The following TENT5D variants were observed in gnomAD, a reference collection of about 807,000 sequenced individuals.
TENT5D encodes the protein terminal nucleotidyltransferase 5D, also known as cancer/testis antigen 112.
For missense variants in TENT5D, 191 were observed against 287.0 expected (o/e 0.67, Z 2.42); for synonymous variants, 103 against 100.6 (o/e 1.02, Z -0.15).
chrX:80,434,208 A>T, intron 1 of TENT5D, among the ~76,000 whole-genome samples: 1 of 77,552 alleles, frequency 1.3e-5, no homozygotes, highest in East Asian at 9.2e-4. Flanking sequence ...ATCATAAAGT[A>T]AAAAAAAAAA....
At chrX:80,372,450 C>T (rs748699721) in intron 3 of TENT5D, among the ~76,000 whole-genome samples, 2 of 111,834 alleles carry the variant, frequency 1.8e-5, no homozygotes, top group Admixed American at 1.9e-4. Flanking sequence ...TATATAAAAA[C>T]ATTGCAACTT....
At chrX:80,414,510 G>A (rs751105947) in intron 3 of TENT5D, among the ~76,000 whole-genome samples, 1 of 111,775 alleles carries the variant, frequency 8.9e-6, no homozygotes, top group Admixed American at 9.5e-5. Context: ...AGGTGGTCAG[G>A]CGTACAGTTT....
At chrX:80,395,615 A>G (rs907880191) in intron 3 of TENT5D, among the ~76,000 whole-genome samples, 3 of 111,149 alleles carry the variant, frequency 2.7e-5, no homozygotes, top group African/African-American at 9.8e-5. Flanking sequence ...TAAGATAGTG[A>G]TATCTCAATA....
chrX:80,355,569 G>A (rs1930266268), intron 3 of TENT5D, among the ~76,000 whole-genome samples: 1 of 111,640 alleles, frequency 9.0e-6, no homozygotes, highest in Non-Finnish European at 1.9e-5. Flanking sequence ...AATTTTCTCT[G>A]GCAGCTCAAA....
intron 2 of TENT5D, among the ~76,000 whole-genome samples, chrX:80,337,790 TG>T (rs1308622858): frequency 1.8e-5 from 2 of 111,074 alleles, no homozygotes; most frequent in African/African-American, 3.3e-5. Context: ...TTTTTGGAGT[TG>T]GAGTCTCGCT....
intron 3 of TENT5D, among the ~76,000 whole-genome samples, chrX:80,379,488 T>A (rs1930808677): frequency 9.0e-6 from 1 of 111,026 alleles, no homozygotes; most frequent in Admixed American, 9.6e-5. Context: ...GGATTCCCTC[T>A]TTTTCCCTCT....
intron 3 of TENT5D, among the ~76,000 whole-genome samples, chrX:80,386,488 T>C (rs1416394707): frequency 9.0e-6 from 1 of 110,844 alleles, no homozygotes; most frequent in Non-Finnish European, 1.9e-5. Context: ...CACACCAACA[T>C]GGCACATGTA....
chrX:80,374,546 G>A (rs1479854793), intron 3 of TENT5D, among the ~76,000 whole-genome samples: 3 of 110,627 alleles, frequency 2.7e-5, no homozygotes, highest in Non-Finnish European at 5.7e-5. Context: ...TCTGACTGTT[G>A]TGAGATGGTA....
intron 1 of TENT5D, among the ~76,000 whole-genome samples, chrX:80,429,192 G>C (rs1417416547): frequency 9.0e-6 from 1 of 111,648 alleles, no homozygotes; most frequent in Non-Finnish European, 1.9e-5. Context: ...AGCTGGACAG[G>C]GTTGAGGTGG....
At chrX:80,386,216 A>G (rs754927053) in intron 3 of TENT5D, among the ~76,000 whole-genome samples, 1 of 112,532 alleles carries the variant, frequency 8.9e-6, no homozygotes, top group South Asian at 3.7e-4. Context: ...AATGTGGCAC[A>G]TATACACCAT....
chrX:80,430,993 G>C (rs1408762494), intron 1 of TENT5D, among the ~76,000 whole-genome samples: 5 of 111,474 alleles, frequency 4.5e-5, no homozygotes. Flanking sequence ...CTTTAACAGA[G>C]GGAGTGTTTT....
chrX:80,445,132 A>T (rs776589015), exon 3 of TENT5D: 2 of 122,742 alleles, frequency 1.6e-5, no homozygotes, highest in Non-Finnish European at 3.8e-5. Flanking sequence ...GAAGTACACC[A>T]AATACGGCAT....
intron 2 of TENT5D, among the ~76,000 whole-genome samples, chrX:80,336,527 T>C (rs1177842817): frequency 1.8e-5 from 2 of 109,845 alleles, no homozygotes; most frequent in African/African-American, 3.3e-5. Flanking sequence ...ATTTCATCAC[T>C]GTTTGATCAG....
chrX:80,359,262 GC>G (rs1407458904), intron 3 of TENT5D, among the ~76,000 whole-genome samples: 1 of 111,544 alleles, frequency 9.0e-6, no homozygotes, highest in African/African-American at 3.3e-5. Flanking sequence ...GGGATCTAGA[GC>G]CAGAAATACC....
chrX:80,394,301 T>C (rs1931194093), intron 3 of TENT5D, among the ~76,000 whole-genome samples: 1 of 110,435 alleles, frequency 9.1e-6, no homozygotes, highest in African/African-American at 3.3e-5. Context: ...ATTTCCTTAA[T>C]GATTAGTGAT....
intron 3 of TENT5D, among the ~76,000 whole-genome samples, chrX:80,370,535 C>G (rs917701664): frequency 1.3e-4 from 15 of 111,881 alleles, no homozygotes; most frequent in Non-Finnish European, 1.9e-5. Context: ...TGCAATTTTG[C>G]ATACAGTTTT....
intron 3 of TENT5D, among the ~76,000 whole-genome samples, chrX:80,382,883 T>C (rs1169955604): frequency 8.9e-6 from 1 of 112,305 alleles, no homozygotes; most frequent in Non-Finnish European, 1.9e-5. Context: ...GTCGCAATTT[T>C]CCTGGTACAG....
intron 3 of TENT5D, among the ~76,000 whole-genome samples, chrX:80,344,554 TGAA>T (rs1397748374): frequency 9.0e-6 from 1 of 110,727 alleles, no homozygotes; most frequent in Non-Finnish European, 1.9e-5. Context: ...TGATGATTAA[TGAA>T]GATGAGCATT....
intron 3 of TENT5D, among the ~76,000 whole-genome samples, chrX:80,402,071 C>T (rs1248225171): frequency 2.7e-5 from 3 of 111,190 alleles, no homozygotes; most frequent in African/African-American, 9.8e-5. Flanking sequence ...ATTCAATCTT[C>T]TCACTTGTTA....
Sources: gnomAD v4.1 joint callset for allele counts (sites outside exome capture counted in the v4.1 genomes callset) on GRCh38, gnomAD v4.1.1 for gene constraint, MANE v1.5 for transcripts, NCBI Gene and HGNC (gene_info 2026-07-23, HGNC 2026-07-21) for gene names.